Variants in ADAMTS17 observed in about 807,000 individuals in gnomAD.
ADAMTS17 encodes the protein A disintegrin and metalloproteinase with thrombospondin motifs 17.
Under a neutral mutation model 141.5 loss-of-function variants are expected in ADAMTS17, and 113 were observed. The ratio of observed to expected loss-of-function variants is 0.80; its 90% confidence interval spans 0.69 to 0.93. The LOEUF (loss-of-function observed/expected upper bound fraction) is 0.93. Ranked by LOEUF, ADAMTS17 falls within the 40% of genes least tolerant of loss-of-function variation. The pLI is 0.00. For synonymous variants in ADAMTS17, 768 were observed against 630.6 expected (o/e 1.22, Z -3.27); for missense variants, 1,659 against 1,517.9 (o/e 1.09, Z -1.54).
chr15:99,999,722 G>C (rs1401188624), intron 18 of ADAMTS17, among the ~76,000 whole-genome samples: 3 of 152,292 alleles, frequency 2.0e-5, no homozygotes, highest in African/African-American at 7.2e-5. Flanking sequence ...CCAGTTTATA[G>C]TGGGCAGAAG....
rs1352890374 is a variant in ADAMTS17, at chr15:100,113,807, C to T, written c.1888+3040G>A. Among the ~76,000 whole-genome samples the T allele has an allele frequency of 4.6e-5, 7 of 152,352 alleles. No homozygotes were observed. The East Asian group carries it at 5.8e-4, about 13-fold the overall frequency. Reference sequence around the variant, plus strand: ...CTAACCATCACGCCCCTCATCCCCACGGAGGCTCAGACCTGGGGGGTTCTG... The same window carrying T: ...CTAACCATCACGCCCCTCATCCCCATGGAGGCTCAGACCTGGGGGGTTCTG... On this transcript the variant is annotated intron_variant, in intron 13 of 21. Transcript: ENST00000268070.
At chr15:100,203,970 G>C (rs1596268006) in intron 7 of ADAMTS17, among the ~76,000 whole-genome samples, 1 of 151,776 alleles carries the variant, frequency 6.6e-6, no homozygotes, top group East Asian at 1.9e-4. Flanking sequence ...ATCGAGAGAA[G>C]AGGCTCCCAT....
intron 7 of ADAMTS17, among the ~76,000 whole-genome samples, chr15:100,207,485 C>T (rs1287946888): frequency 2.6e-5 from 4 of 152,284 alleles, no homozygotes; most frequent in East Asian, 1.9e-4. Context: ...TGGCGGCCAC[C>T]GGAACTCACC....
intron 20 of ADAMTS17, among the ~76,000 whole-genome samples, chr15:99,984,410 G>A (rs908986110): frequency 2.0e-5 from 3 of 152,184 alleles, no homozygotes; most frequent in Non-Finnish European, 4.4e-5. Flanking sequence ...ACCACGGAAC[G>A]CACCATTTAT....
intron 18 of ADAMTS17, among the ~76,000 whole-genome samples, chr15:100,017,893 T>A (rs1487229693): frequency 2.0e-5 from 3 of 152,206 alleles, no homozygotes; most frequent in Non-Finnish European, 4.4e-5. Flanking sequence ...ATTATGTGTG[T>A]TTTTTTGTCG....
chr15:99,981,914 G>A (rs549456262), intron 20 of ADAMTS17, among the ~76,000 whole-genome samples: 48 of 152,318 alleles, frequency 3.2e-4, no homozygotes, highest in African/African-American at 1.2e-3. Flanking sequence ...AAAATCCACA[G>A]GTAATATACT....
chr15:100,302,703 A>G (rs548813012), intron 3 of ADAMTS17, among the ~76,000 whole-genome samples: 5 of 152,312 alleles, frequency 3.3e-5, no homozygotes, highest in Admixed American at 2.0e-4. Flanking sequence ...TTAGAGAACT[A>G]TCTGCGATGG....
chr15:100,142,483 G>A (rs758558278), intron 10 of ADAMTS17, among the ~76,000 whole-genome samples: 3 of 152,306 alleles, frequency 2.0e-5, no homozygotes, highest in Non-Finnish European at 2.9e-5. Flanking sequence ...GGCTCCAGGC[G>A]ACAAGGAGGC....
At chr15:100,314,895 G>A (rs1171708719) in intron 3 of ADAMTS17, among the ~76,000 whole-genome samples, 3 of 152,322 alleles carry the variant, frequency 2.0e-5, no homozygotes, top group East Asian at 1.9e-4. Context: ...AGAGACCTGG[G>A]ACACCCTGTT....
rs191865295 is a variant in ADAMTS17, at chr15:100,165,684, C to A, written c.1182-10364G>T. Among the ~76,000 whole-genome samples the A allele has an allele frequency of 9.2e-5, 14 of 152,266 alleles. No homozygotes were observed. In the East Asian group the frequency reaches 2.5e-3, roughly 27 times the overall value. On this transcript the variant is annotated intron_variant, in intron 8 of 21. Transcript: ENST00000268070. Reference sequence around the variant, plus strand: ...AACCATTCTACTGTGAGGGGCTGTGCTAAAGCTGATTCCAGTTAGAAATTG... The same window carrying A: ...AACCATTCTACTGTGAGGGGCTGTGATAAAGCTGATTCCAGTTAGAAATTG...
intron 15 of ADAMTS17, among the ~76,000 whole-genome samples, chr15:100,078,992 G>C (rs1264071962): frequency 6.6e-6 from 1 of 152,176 alleles, no homozygotes; most frequent in Non-Finnish European, 1.5e-5. Flanking sequence ...CATTAGGGAA[G>C]TGCAAACCAA....
At chr15:100,026,814 C>T (rs78539266) in intron 18 of ADAMTS17, among the ~76,000 whole-genome samples, 1 of 152,180 alleles carries the variant, frequency 6.6e-6, no homozygotes, top group Non-Finnish European at 1.5e-5. Context: ...GCTCTGCCCA[C>T]CTTGAAACAA....
chr15:100,012,734 T>C (rs915474419), intron 18 of ADAMTS17, among the ~76,000 whole-genome samples: 3 of 152,242 alleles, frequency 2.0e-5, no homozygotes, highest in Non-Finnish European at 2.9e-5. Context: ...TTCTGTTCCA[T>C]TGATCTATGT....
chr15:100,306,191 T>G, intron 3 of ADAMTS17: 2 of 298,694 alleles, frequency 6.7e-6, no homozygotes, highest in African/African-American at 2.2e-5. Flanking sequence ...TGTGAAGAGG[T>G]TTTAAATAAG....
intron 3 of ADAMTS17, among the ~76,000 whole-genome samples, chr15:100,317,410 C>A (rs890579464): frequency 6.6e-6 from 1 of 152,154 alleles, no homozygotes; most frequent in African/African-American, 2.4e-5. Flanking sequence ...GCCCCATGAG[C>A]ACCAGGGAGA....
chr15:100,056,845 G>A (rs931339778), intron 15 of ADAMTS17, among the ~76,000 whole-genome samples: 9 of 152,102 alleles, frequency 5.9e-5, no homozygotes, highest in Admixed American at 5.2e-4. Context: ...TTGCTCCCAG[G>A]GAGCTCACAG....
Position 100,027,262 on chromosome 15 carries a change from A to ATTCTTTTATTCTACTCTTTT in ADAMTS17, c.2591+21575_2591+21594dup, listed in dbSNP as rs1444344041. ...TGCTTTCTGTTTTTTCTTTCTTTTT[A>ATTCTTTTATTCTACTCTTTT]TTCTTTTATTCTACTCTTTTTTCTA... On this transcript the variant is annotated intron_variant, in intron 18 of 21. Transcript: ENST00000268070. 6.6e-3 allele frequency among the ~76,000 whole-genome samples: 1,008 copies of ATTCTTTTATTCTACTCTTTT among 152,036 alleles called. 13 individuals are homozygous for ATTCTTTTATTCTACTCTTTT. Among genetic ancestry groups the ATTCTTTTATTCTACTCTTTT allele is most frequent in the African/African-American group, 0.023 (961 of 41,454 alleles).
chr15:100,024,466 G>C (rs1353311335), intron 18 of ADAMTS17, among the ~76,000 whole-genome samples: 2 of 152,096 alleles, frequency 1.3e-5, no homozygotes, highest in East Asian at 3.9e-4. Context: ...TGCCCATTTT[G>C]TCCATATTTT....
chr15:100,327,005 TTC>T (rs888379076), intron 3 of ADAMTS17, among the ~76,000 whole-genome samples: 6 of 152,210 alleles, frequency 3.9e-5, no homozygotes, highest in Admixed American at 1.3e-4. Flanking sequence ...TCAGTTTCAT[TTC>T]TGTCATTTCC....
Sources: gnomAD v4.1 joint callset for allele counts (sites outside exome capture counted in the v4.1 genomes callset) on GRCh38, gnomAD v4.1.1 for gene constraint, MANE v1.5 for transcripts, NCBI Gene and HGNC (gene_info 2026-07-23, HGNC 2026-07-21) for gene names.